Variants in RIC1 observed in about 807,000 individuals in gnomAD.
RIC1 encodes RIC1 partner of RAB6A GEF complex.
RIC1 carries 88 observed loss-of-function variants against 169.0 expected under a neutral mutation model. The observed-to-expected ratio is 0.52, with a 90% CI of 0.44 to 0.62. The LOEUF is 0.62. Ranked by LOEUF, RIC1 falls within the 20% of genes least tolerant of loss-of-function variation. RIC1 has a pLI of 0.00. For synonymous variants in RIC1, 790 were observed against 601.5 expected (o/e 1.31, Z -4.59); for missense variants, 1,877 against 1,725.5 (o/e 1.09, Z -1.56).
intron 23 of RIC1, among the ~76,000 whole-genome samples, chr9:5,770,690 G>T (rs757007682): frequency 6.6e-6 from 1 of 152,114 alleles, no homozygotes; most frequent in Non-Finnish European, 1.5e-5. Flanking sequence ...ATGTGAGGAG[G>T]TAATGTTTTT....
At position 5,700,653 on chromosome 9, in the gene RIC1, G is replaced by A. The variant is rs1057257116; in HGVS notation, c.332+10615G>A. Among the ~76,000 whole-genome samples, 10 of 151,758 alleles carry A rather than the reference G, an allele frequency of 6.6e-5. 1 individual carries two copies. Among genetic ancestry groups the A allele is most frequent in the Non-Finnish European group, 4.4e-5 (3 of 67,944 alleles). ...TTAAAATACTTGAATTGTCTAACAA[G>A]CTTTGTACCATTTCATGAGCAGGTA... On this transcript the variant is annotated intron_variant, in intron 3 of 25. Coordinates refer to ENST00000414202, the MANE Select transcript of RIC1 (RefSeq NM_020829.4).
intron 7 of RIC1, among the ~76,000 whole-genome samples, chr9:5,734,472 A>AT (rs1824572443): frequency 6.6e-6 from 1 of 151,982 alleles, no homozygotes; most frequent in African/African-American, 2.4e-5. Flanking sequence ...GGCAAGTTGC[A>AT]TTTTTTCCAG....
At chr9:5,694,242 A>T (rs1466759403) in intron 3 of RIC1, among the ~76,000 whole-genome samples, 1 of 152,224 alleles carries the variant, frequency 6.6e-6, no homozygotes, top group Non-Finnish European at 1.5e-5. Context: ...AATCGTATCA[A>T]ATTTAAAGGT....
intron 3 of RIC1, among the ~76,000 whole-genome samples, chr9:5,698,897 C>T (rs1822057255): frequency 1.3e-5 from 2 of 152,010 alleles, no homozygotes; most frequent in Non-Finnish European, 1.5e-5. Flanking sequence ...TCATTAACTG[C>T]GAGGTTTTAG....
intron 6 of RIC1, among the ~76,000 whole-genome samples, chr9:5,730,207 C>T (rs1476586928): frequency 2.6e-5 from 4 of 152,126 alleles, no homozygotes; most frequent in African/African-American, 9.7e-5. Flanking sequence ...GAGACTCATT[C>T]AGTAGGACTA....
chr9:5,700,740 AAAAAC>A (rs1424846983), intron 3 of RIC1, among the ~76,000 whole-genome samples: 3 of 152,176 alleles, frequency 2.0e-5, no homozygotes, highest in African/African-American at 7.2e-5. Flanking sequence ...AGTGCACACT[AAAAAC>A]AAAGCTTGTG....
At chr9:5,667,680 A>G (rs1819858439) in intron 2 of RIC1, among the ~76,000 whole-genome samples, 1 of 151,596 alleles carries the variant, frequency 6.6e-6, no homozygotes, top group Admixed American at 6.6e-5. Context: ...ATTTTGTTTA[A>G]TTTTTGTAGA....
intron 4 of RIC1, chr9:5,719,358 A>T (rs1823453234): frequency 6.6e-6 from 1 of 152,250 alleles, no homozygotes; most frequent in Non-Finnish European, 1.5e-5. Context: ...CCATTAAAGA[A>T]GTAAATGCTG....
At chr9:5,702,714 G>T (rs1306492793) in intron 3 of RIC1, among the ~76,000 whole-genome samples, 1 of 151,744 alleles carries the variant, frequency 6.6e-6, no homozygotes, top group African/African-American at 2.4e-5. Context: ...AATTTTTTTT[G>T]TGTGTGTATT....
At chr9:5,738,325 A>G (rs1387169346) in intron 7 of RIC1, 125 bp from the exon 8 acceptor site, 16 of 653,070 alleles carry the variant, frequency 2.4e-5, no homozygotes, top group Admixed American at 2.3e-4. Context: ...GATGACTGCA[A>G]CTTATTGACA....
intron 3 of RIC1, among the ~76,000 whole-genome samples, chr9:5,690,597 G>A (rs1821539005): frequency 6.8e-6 from 1 of 148,074 alleles, no homozygotes; most frequent in Admixed American, 6.7e-5. Flanking sequence ...CATAAAGCCA[G>A]ATAAAAATAT....
intron 1 of RIC1, among the ~76,000 whole-genome samples, chr9:5,647,936 G>GGGC (rs1818600234): frequency 8.2e-6 from 1 of 121,244 alleles, no homozygotes; most frequent in Non-Finnish European, 1.7e-5. Context: ...GTGTGGGGGT[G>GGGC]GGTGGTGGTG....
chr9:5,631,816 C>CT (rs1249046892), intron 1 of RIC1, among the ~76,000 whole-genome samples: 1 of 151,690 alleles, frequency 6.6e-6, no homozygotes, highest in Non-Finnish European at 1.5e-5. Context: ...TATGCCCTTT[C>CT]TTACTCTGTA....
At chr9:5,695,498 T>C (rs1821836838) in intron 3 of RIC1, among the ~76,000 whole-genome samples, 1 of 152,040 alleles carries the variant, frequency 6.6e-6, no homozygotes, top group Non-Finnish European at 1.5e-5. Flanking sequence ...TCATTTCTTT[T>C]CCCTCCTCGT....
chr9:5,678,846 G>T (rs202082489), intron 2 of RIC1, among the ~76,000 whole-genome samples: 53 of 150,938 alleles, frequency 3.5e-4, no homozygotes, highest in African/African-American at 1.1e-3. Flanking sequence ...CTCTTTAGTT[G>T]AATTAGATCC....
chr9:5,700,211 C>A (rs751656068), intron 3 of RIC1, among the ~76,000 whole-genome samples: 1 of 152,038 alleles, frequency 6.6e-6, no homozygotes, highest in Non-Finnish European at 1.5e-5. Flanking sequence ...TTAGCTAGTT[C>A]TATAAATTTT....
At chr9:5,744,855 A>G (rs1195402171) in intron 10 of RIC1, among the ~76,000 whole-genome samples, 1 of 152,178 alleles carries the variant, frequency 6.6e-6, no homozygotes, top group Non-Finnish European at 1.5e-5. Flanking sequence ...TTTTCTTGCT[A>G]TAGCCCCTCT....
chr9:5,749,592 C>T (rs1825599942), intron 12 of RIC1, among the ~76,000 whole-genome samples: 1 of 151,998 alleles, frequency 6.6e-6, no homozygotes, highest in Admixed American at 6.6e-5. Context: ...GCTGCTTGTT[C>T]TGTTTCTCAT....
At chr9:5,674,184 C>A (rs1820295412) in intron 2 of RIC1, among the ~76,000 whole-genome samples, 1 of 151,982 alleles carries the variant, frequency 6.6e-6, no homozygotes. Flanking sequence ...AATGGTGAAA[C>A]TATTGGCAGT....
Sources: gnomAD v4.1 joint callset for allele counts (sites outside exome capture counted in the v4.1 genomes callset) on GRCh38, gnomAD v4.1.1 for gene constraint, MANE v1.5 for transcripts, NCBI Gene and HGNC (gene_info 2026-07-23, HGNC 2026-07-21) for gene names.